Variants in CCDC171 observed in about 807,000 individuals in gnomAD.
The protein encoded by CCDC171 is coiled-coil domain-containing protein 171.
CCDC171 carries 177 observed loss-of-function variants against 168.2 expected under a neutral mutation model. The ratio of observed to expected loss-of-function variants is 1.05; its 90% CI spans 0.93 to 1.19. The LOEUF is 1.19. CCDC171 is among the 50% of genes most tolerant of loss of function. The pLI, the probability that CCDC171 is intolerant of heterozygous loss-of-function variation, is 0.00. For missense variants in CCDC171, 1,991 were observed against 1,539.0 expected (o/e 1.29, Z -4.91); for synonymous variants, 687 against 540.8 (o/e 1.27, Z -3.75).
chr9:16,097,752 G>C, the CCDC171 span, among the ~76,000 whole-genome samples: 2 of 152,196 alleles, frequency 1.3e-5, no homozygotes, highest in African/African-American at 2.4e-5. Context: ...TTACAAAGAG[G>C]CTCATTGAGA....
At chr9:15,840,833 T>TA (rs1438655642) in intron 21 of CCDC171, among the ~76,000 whole-genome samples, 3 of 152,140 alleles carry the variant, frequency 2.0e-5, no homozygotes. Flanking sequence ...ACTTCACTGT[T>TA]ATACATTTAG....
At chr9:15,859,823 C>G (rs2061488305) in intron 23 of CCDC171, among the ~76,000 whole-genome samples, 1 of 151,658 alleles carries the variant, frequency 6.6e-6, no homozygotes, top group African/African-American at 2.4e-5. Context: ...CCAAATCCTG[C>G]TAATTTTTAA....
At chr9:15,601,760 A>G (rs530116337) in intron 6 of CCDC171, among the ~76,000 whole-genome samples, 3 of 152,230 alleles carry the variant, frequency 2.0e-5, no homozygotes, top group Non-Finnish European at 4.4e-5. Flanking sequence ...TAAGTTGTTG[A>G]TAAGTGTCTT....
At chr9:15,626,624 T>A (rs1587527868) in intron 7 of CCDC171, among the ~76,000 whole-genome samples, 1 of 152,340 alleles carries the variant, frequency 6.6e-6, no homozygotes, top group East Asian at 1.9e-4. Context: ...GTTTATTGAT[T>A]TGTGTACGTT....
At chr9:16,098,962 G>C in the CCDC171 span, among the ~76,000 whole-genome samples, 3 of 152,196 alleles carry the variant, frequency 2.0e-5, no homozygotes, top group Admixed American at 1.3e-4. Flanking sequence ...GGCTCATTTT[G>C]TAGCTCTGAC....
chr9:15,852,813 C>T (rs1176116515), intron 23 of CCDC171, among the ~76,000 whole-genome samples: 1 of 151,536 alleles, frequency 6.6e-6, no homozygotes, highest in East Asian at 1.9e-4. Flanking sequence ...ATTATTCCAG[C>T]ACCATTTGTT....
In CCDC171 at chr9:15,594,091, C is replaced by A; in HGVS notation, c.594C>A (p.Ile198=). 6.4e-7 allele frequency: 1 copy of A among 1,568,038 alleles called. No homozygotes were observed. The highest frequency in any genetic ancestry group is 8.8e-7 in the Non-Finnish European group (1 of 1,142,672). ...AGAAGAATGAGATGGAGTCTCATAT[C>A]AGGGAGACAGCATTGGAGGAGTTTA... The part of the protein sequence containing the change: ...QREKNEMESH[I]RETALEEFRL... Residue 198 remains isoleucine, a synonymous_variant, in exon 6 of 26, where the codon ATC becomes ATA. Transcript: ENST00000380701.
chr9:15,720,201 C>G (rs1224927349), intron 11 of CCDC171, among the ~76,000 whole-genome samples: 2 of 152,062 alleles, frequency 1.3e-5, no homozygotes, highest in Non-Finnish European at 2.9e-5. Flanking sequence ...CATGAGATAT[C>G]ACCATACTCT....
the CCDC171 span, among the ~76,000 whole-genome samples, chr9:16,092,813 G>A: frequency 6.6e-6 from 1 of 152,168 alleles, no homozygotes; most frequent in Non-Finnish European, 1.5e-5. Context: ...GGACTGTCAC[G>A]CTGGCTTATT....
At chr9:15,806,717 G>T (rs377388641) in intron 21 of CCDC171, among the ~76,000 whole-genome samples, 6 of 151,920 alleles carry the variant, frequency 3.9e-5, no homozygotes, top group African/African-American at 1.4e-4. Context: ...ATGCTCTTGT[G>T]TAGAATCTTG....
intron 21 of CCDC171, among the ~76,000 whole-genome samples, chr9:15,823,823 T>A (rs2059900410): frequency 6.6e-6 from 1 of 152,138 alleles, no homozygotes; most frequent in Non-Finnish European, 1.5e-5. Flanking sequence ...AGAAAGTTGA[T>A]AATGTGATGT....
At chr9:15,819,394 C>G (rs2059680964) in intron 21 of CCDC171, among the ~76,000 whole-genome samples, 2 of 117,620 alleles carry the variant, frequency 1.7e-5, no homozygotes, top group South Asian at 5.6e-4. Context: ...AAGACACAGA[C>G]TGGCAAATTG....
chr9:15,714,358 C>T (rs1453320468), intron 11 of CCDC171, among the ~76,000 whole-genome samples: 1 of 152,164 alleles, frequency 6.6e-6, no homozygotes, highest in African/African-American at 2.4e-5. Flanking sequence ...GTGCCAGTTG[C>T]TGCATCTGTC....
chr9:15,675,577 A>G (rs2049486546), intron 9 of CCDC171, among the ~76,000 whole-genome samples: 4 of 152,150 alleles, frequency 2.6e-5, no homozygotes, highest in Admixed American at 1.3e-4. Flanking sequence ...GGTGGTGACA[A>G]AATCTCTCAG....
the CCDC171 span, among the ~76,000 whole-genome samples, chr9:16,100,788 C>T: frequency 1.3e-5 from 2 of 152,166 alleles, no homozygotes; most frequent in Admixed American, 1.3e-4. Flanking sequence ...GCCCAGAGAG[C>T]CTGTCAGGCG....
chr9:16,017,647 C>A (rs1438797105), intron 3 of CCDC171, among the ~76,000 whole-genome samples: 2 of 152,110 alleles, frequency 1.3e-5, no homozygotes, highest in Admixed American at 1.3e-4. Context: ...TGTTTTACTG[C>A]AACTGCACAA....
the CCDC171 span, among the ~76,000 whole-genome samples, chr9:16,090,790 G>C: frequency 6.6e-6 from 1 of 152,170 alleles, no homozygotes; most frequent in Non-Finnish European, 1.5e-5. Flanking sequence ...GATATAAAGA[G>C]ACTCTTAATA....
At chr9:15,829,554 A>G (rs576210993) in intron 21 of CCDC171, among the ~76,000 whole-genome samples, 3 of 152,308 alleles carry the variant, frequency 2.0e-5, no homozygotes, top group South Asian at 2.1e-4. Flanking sequence ...TCTGATTCCC[A>G]TGTGTTTTCC....
intron 6 of CCDC171, among the ~76,000 whole-genome samples, chr9:15,601,458 C>T (rs530128822): frequency 1.1e-4 from 17 of 152,284 alleles, no homozygotes; most frequent in South Asian, 4.2e-4. Flanking sequence ...AGTACAACCA[C>T]GCTTTAGACC....
Sources: gnomAD v4.1 joint callset for allele counts (sites outside exome capture counted in the v4.1 genomes callset) on GRCh38, gnomAD v4.1.1 for gene constraint, MANE v1.5 for transcripts, NCBI Gene and HGNC (gene_info 2026-07-23, HGNC 2026-07-21) for gene names.